Variants in MS4A13 observed in about 807,000 individuals in gnomAD.
MS4A13 encodes the protein membrane spanning 4-domains A13.
Under a neutral mutation model 18.4 loss-of-function variants are expected in MS4A13, and 21 were observed. That is an observed-to-expected ratio of 1.14 (90% confidence interval 0.81 to 1.64). The LOEUF (loss-of-function observed/expected upper bound fraction) is 1.64, where lower values mean the gene tolerates loss of function less well. MS4A13 is among the 40% of genes most tolerant of loss of function. The pLI is 0.00. For missense variants in MS4A13, 173 were observed against 176.8 expected (o/e 0.98, Z 0.12); for synonymous variants, 62 against 57.2 (o/e 1.08, Z -0.38).
intron 3 of MS4A13, among the ~76,000 whole-genome samples, chr11:60,520,890 C>A (rs769338080): frequency 6.6e-6 from 1 of 152,242 alleles, no homozygotes; most frequent in Non-Finnish European, 1.5e-5. Context: ...TCCATGAGGG[C>A]CCCGCCCCTG....
intron 5 of MS4A13, among the ~76,000 whole-genome samples, chr11:60,526,047 T>G (rs558770086): frequency 2.0e-5 from 3 of 152,036 alleles, no homozygotes; most frequent in South Asian, 4.2e-4. Context: ...AGTAGAAGCG[T>G]CATTACAGGT....
rs1250817894 is a variant in MS4A13 at position 60,542,359 on chromosome 11, G to C, written c.403-160G>C. 2.6e-5 allele frequency among the ~76,000 whole-genome samples: 4 copies of C among 151,882 alleles called. No individual in the cohort carries two copies. The East Asian group carries it at 7.7e-4, about 29-fold the overall frequency. On this transcript the variant is annotated intron_variant, in intron 6 of 6. Transcript: ENST00000378186. ...AGAGAAAGAGAAAGAAAGGAAGAAA[G>C]AAATAAGGTTGAAATAGGAATGGGA... is the stretch of plus-strand genomic sequence containing the variant.
At chr11:60,527,662 C>A (rs998451249) in intron 5 of MS4A13, among the ~76,000 whole-genome samples, 11 of 151,852 alleles carry the variant, frequency 7.2e-5, no homozygotes, top group African/African-American at 2.7e-4. Context: ...AAGGTGAAAC[C>A]CTGTCTCCAC....
At chr11:60,519,870 G>A (rs2086662166) in intron 3 of MS4A13, among the ~76,000 whole-genome samples, 1 of 152,166 alleles carries the variant, frequency 6.6e-6, no homozygotes, top group African/African-American at 2.4e-5. Flanking sequence ...GGGTCAAAGG[G>A]TTGTTAGAAT....
intron 6 of MS4A13, among the ~76,000 whole-genome samples, chr11:60,539,086 C>A (rs1208985628): frequency 7.2e-6 from 1 of 139,520 alleles, no homozygotes; most frequent in Non-Finnish European, 1.5e-5. Flanking sequence ...CCAGGACAGC[C>A]AACAACTTGA....
intron 3 of MS4A13, among the ~76,000 whole-genome samples, chr11:60,520,782 C>A (rs1391894219): frequency 6.6e-6 from 1 of 152,190 alleles, no homozygotes; most frequent in East Asian, 1.9e-4. Context: ...AGGATGGTGG[C>A]CTTCTTCTCA....
At chr11:60,523,205 T>C (rs1555023849) in intron 3 of MS4A13, among the ~76,000 whole-genome samples, 1 of 152,176 alleles carries the variant, frequency 6.6e-6, no homozygotes, top group Non-Finnish European at 1.5e-5. Flanking sequence ...CTACATATAG[T>C]GTATAGCATG....
intron 6 of MS4A13, among the ~76,000 whole-genome samples, 184 bp from the exon 7 acceptor site, chr11:60,542,329 AAGAAAG>A (rs949825111): frequency 5.9e-5 from 9 of 152,098 alleles, no homozygotes; most frequent in African/African-American, 1.7e-4. Flanking sequence ...GGAAGAAAGA[AAGAAAG>A]AGAAAGAGAA....
chr11:60,535,531 A>T (rs1367035284), intron 6 of MS4A13, among the ~76,000 whole-genome samples: 2 of 125,508 alleles, frequency 1.6e-5, no homozygotes, highest in Non-Finnish European at 3.3e-5. Flanking sequence ...GGCAATAATC[A>T]ATAGTTTACC....
intron 3 of MS4A13, among the ~76,000 whole-genome samples, chr11:60,519,747 A>G (rs1019674504): frequency 1.3e-5 from 2 of 152,216 alleles, no homozygotes; most frequent in Non-Finnish European, 2.9e-5. Flanking sequence ...GGTGCAAAGC[A>G]ATTGCAAGTG....
intron 5 of MS4A13, among the ~76,000 whole-genome samples, chr11:60,528,368 G>A (rs1450309965): frequency 1.3e-5 from 2 of 152,154 alleles, no homozygotes; most frequent in African/African-American, 2.4e-5. Context: ...ACTTTATGAA[G>A]CCTTCCCAGA....
intron 5 of MS4A13, among the ~76,000 whole-genome samples, chr11:60,529,016 A>G (rs2086740937): frequency 6.6e-6 from 1 of 152,230 alleles, no homozygotes; most frequent in Admixed American, 6.5e-5. Context: ...CCATCTTATC[A>G]TTAGAGACAG....
At chr11:60,543,107 C>G (rs1457198881), downstream of MS4A13, among the ~76,000 whole-genome samples, 1 of 152,098 alleles carries the variant, frequency 6.6e-6, no homozygotes, top group East Asian at 1.9e-4. Context: ...CTGAACATAT[C>G]TGCTATCTTT....
Position 60,542,560 on chromosome 11 carries a change from T to A in MS4A13, c.444T>A (p.Ala148=). ...ATCTTACATCTGTTACTGAGGAAGC[T>A]GAGAGCACTCCTTAAAAACCCTAGA... ...QNDLTSVTEE[A]ESTP The change falls in exon 7 of 7, where the codon GCT becomes GCA. Residue 148 remains alanine, a synonymous_variant. Coordinates refer to ENST00000378186, the MANE Select transcript of MS4A13 (RefSeq NM_001012417.3). 6.2e-7 allele frequency: 1 copy of A among 1,610,486 alleles called. No individual in the cohort carries two copies. Among genetic ancestry groups the A allele is most frequent in the East Asian group, 2.2e-5 (1 of 44,738 alleles).
chr11:60,521,809 G>A (rs891940283), intron 3 of MS4A13, among the ~76,000 whole-genome samples: 1 of 152,118 alleles, frequency 6.6e-6, no homozygotes, highest in African/African-American at 2.4e-5. Flanking sequence ...CACTCCTGGT[G>A]CCAATTTATT....
intron 4 of MS4A13, among the ~76,000 whole-genome samples, chr11:60,524,681 G>A (rs56302014): frequency 0.052 from 3,550 of 68,834 alleles, 146 homozygotes; most frequent in African/African-American, 0.17. Context: ...TTTTTTTTTT[G>A]AGATGGAGTC....
At chr11:60,527,414 G>GTC (rs2086726430) in intron 5 of MS4A13, among the ~76,000 whole-genome samples, 1 of 142,768 alleles carries the variant, frequency 7.0e-6, no homozygotes, top group Non-Finnish European at 1.5e-5. Context: ...CTCTCTCTGT[G>GTC]TGTGTGTGTG....
At chr11:60,542,176 A>G (rs1378424677) in intron 6 of MS4A13, among the ~76,000 whole-genome samples, 2 of 148,558 alleles carry the variant, frequency 1.3e-5, no homozygotes, top group Admixed American at 6.7e-5. Flanking sequence ...GAGAGAGAGA[A>G]AGAAAGAAGA....
chr11:60,532,627 G>T (rs1447016625), intron 6 of MS4A13, among the ~76,000 whole-genome samples: 1 of 151,984 alleles, frequency 6.6e-6, no homozygotes, highest in African/African-American at 2.4e-5. Context: ...GCTTGCTTAG[G>T]TAAACAAAGC....
Sources: allele counts gnomAD v4.1 joint callset (sites outside exome capture counted in the v4.1 genomes callset), GRCh38; gene constraint gnomAD v4.1.1; transcripts MANE v1.5; gene names NCBI Gene and HGNC (gene_info 2026-07-23, HGNC 2026-07-21).